Variants in STX3 observed in about 807,000 individuals in gnomAD.
STX3 encodes the protein syntaxin 3.
Under a neutral mutation model 40.2 loss-of-function variants are expected in STX3, and 19 were observed. The ratio of observed to expected loss-of-function variants is 0.47; its 90% CI spans 0.33 to 0.69. The LOEUF (loss-of-function observed/expected upper bound fraction) is 0.69. Among genes scored for constraint, STX3 ranks in the 30% least tolerant of loss-of-function variants. STX3 has a pLI of 0.02. For synonymous variants in STX3, 122 were observed against 132.2 expected (o/e 0.92, Z 0.53); for missense variants, 364 against 366.7 (o/e 0.99, Z 0.06).
Position 59,764,018 on chromosome 11 carries a change from C to CAA in STX3, c.30+8395_30+8396dup, listed in dbSNP as rs773622123. Reference sequence around the variant, plus strand: ...GGGCAACAAGAGCGAAACTCCGTCTCAAAAAAAAAAAAATAAAAGGAATGA... The same window carrying CAA: ...GGGCAACAAGAGCGAAACTCCGTCTCAAAAAAAAAAAAAAATAAAAGGAATGA... On this transcript the variant is annotated intron_variant, in intron 1 of 10. Coordinates refer to ENST00000337979, the MANE Select transcript of STX3 (RefSeq NM_004177.5). 3.2e-4 allele frequency among the ~76,000 whole-genome samples: 36 copies of CAA among 113,828 alleles called. No homozygotes were observed. In the South Asian group the frequency reaches 4.4e-3, roughly 14 times the overall value. The allele number at this position is 113,828 out of a possible 152,430, so 74.7% of individuals were successfully genotyped here. A position where few individuals can be genotyped will look rare whatever the true frequency, so the allele number is the denominator to read the frequency against.
At chr11:59,795,088 A>C (rs1865433488) in intron 8 of STX3, among the ~76,000 whole-genome samples, 1 of 152,156 alleles carries the variant, frequency 6.6e-6, no homozygotes, top group African/African-American at 2.4e-5. Context: ...GATATCTCAG[A>C]GTATATTTAT....
At position 59,802,390 on chromosome 11, in the gene STX3, G is replaced by A; in HGVS notation, c.*1566G>A. ...TGACTTTAACGCTTTCTAGGATAGG[G>A]TAAGCACCCTTAATTCAGGCACTGT... is the stretch of plus-strand genomic sequence containing the variant. On this transcript the variant is annotated 3_prime_UTR_variant, in exon 11 of 11. Coordinates refer to ENST00000337979, the MANE Select transcript of STX3 (RefSeq NM_004177.5). The A allele has an allele frequency of 1.0e-6, 1 of 985,660 alleles. No individual in the cohort carries two copies. The highest frequency in any genetic ancestry group is 4.7e-5 in the South Asian group (1 of 21,280). The allele number at this position is 985,660 out of a possible 1,614,324, so 61.1% of individuals were successfully genotyped here.
At chr11:59,755,929 G>T (rs1296443013) in intron 1 of STX3, among the ~76,000 whole-genome samples, 1 of 152,244 alleles carries the variant, frequency 6.6e-6, no homozygotes, top group African/African-American at 2.4e-5. Context: ...TTGGGCCCGG[G>T]AGGTCAGGGG....
intron 1 of STX3, among the ~76,000 whole-genome samples, chr11:59,757,991 A>G (rs1862819475): frequency 6.6e-6 from 1 of 152,180 alleles, no homozygotes; most frequent in Admixed American, 6.5e-5. Flanking sequence ...GTTAACCTGC[A>G]TGAAACAAAT....
chr11:59,773,341 C>T (rs959470506), intron 2 of STX3, 47 bp downstream of exon 2: 4 of 1,566,210 alleles, frequency 2.6e-6, no homozygotes, highest in Non-Finnish European at 2.6e-6. Flanking sequence ...TAAGGAAACA[C>T]TATTTCCTTA....
In STX3 at chr11:59,801,687, C is replaced by T. The variant is rs1865893785; in HGVS notation, c.*863C>T. 1.6e-5 allele frequency: 16 copies of T among 985,628 alleles called. No homozygotes were observed. Among genetic ancestry groups the T allele is most frequent in the Non-Finnish European group, 1.9e-5 (16 of 829,936 alleles). The allele number at this position is 985,628 out of a possible 1,614,324, so 61.1% of individuals were successfully genotyped here. On this transcript the variant is annotated 3_prime_UTR_variant, in exon 11 of 11. Coordinates refer to ENST00000337979, the MANE Select transcript of STX3 (RefSeq NM_004177.5). Reference sequence around the variant, plus strand: ...AGGGACAAGGTGCTAGAATCCTAAGCTCTGGAAATATTTCATGACACTGGT... The same window carrying T: ...AGGGACAAGGTGCTAGAATCCTAAGTTCTGGAAATATTTCATGACACTGGT...
chr11:59,788,801 A>G (rs1864925870), intron 3 of STX3, 72 bp from the exon 4 acceptor site: 3 of 1,339,622 alleles, frequency 2.2e-6, no homozygotes, highest in Middle Eastern at 1.8e-4. Flanking sequence ...TCCTCTGATG[A>G]TGATTGCTGT....
At chr11:59,760,895 A>G (rs1403569358) in intron 1 of STX3, among the ~76,000 whole-genome samples, 4 of 152,214 alleles carry the variant, frequency 2.6e-5, no homozygotes, top group Non-Finnish European at 5.9e-5. Flanking sequence ...AGCAGTTATG[A>G]TAGTCCTCTG....
chr11:59,772,935 G>T (rs1365117191), intron 1 of STX3, among the ~76,000 whole-genome samples: 1 of 149,626 alleles, frequency 6.7e-6, no homozygotes, highest in Non-Finnish European at 1.5e-5. Flanking sequence ...TAGGTAACTT[G>T]CCAGTTCCTC....
intron 1 of STX3, among the ~76,000 whole-genome samples, chr11:59,759,587 G>T (rs1862923556): frequency 6.6e-6 from 1 of 152,220 alleles, no homozygotes; most frequent in African/African-American, 2.4e-5. Flanking sequence ...GAAGGCTTTG[G>T]ACTCCCTTGG....
intron 2 of STX3, among the ~76,000 whole-genome samples, chr11:59,783,317 G>C (rs1376016888): frequency 6.6e-6 from 1 of 152,158 alleles, no homozygotes; most frequent in East Asian, 1.9e-4. Context: ...GCGTTTACCT[G>C]GTTCAGGAGA....
At chr11:59,775,444 G>T (rs1863912368) in intron 2 of STX3, among the ~76,000 whole-genome samples, 1 of 152,186 alleles carries the variant, frequency 6.6e-6, no homozygotes, top group Non-Finnish European at 1.5e-5. Context: ...TCTTCCCTAA[G>T]ATAAGGAATC....
In STX3 at chr11:59,791,971, CA is replaced by C. The variant is rs1234801974; in HGVS notation, c.358-130del. On this transcript the variant is annotated intron_variant, in intron 5 of 10. Transcript: ENST00000337979. ...CTCCCAGTGGCACAAAGCTAGGAAA[CA>C]AAAAACTTGGTTTGACACCTGGTTT... 6.8e-6 allele frequency: 5 copies of C among 736,598 alleles called. No homozygotes were observed. The East Asian group carries it at 1.1e-4, about 16-fold the overall frequency. The allele number at this position is 736,598 out of a possible 1,614,324, so 45.6% of individuals were successfully genotyped here.
At chr11:59,781,302 T>G in intron 2 of STX3, 9 of 1,567,142 alleles carry the variant, frequency 5.7e-6, no homozygotes, top group Non-Finnish European at 7.8e-6. Flanking sequence ...TCCAAAGTGA[T>G]GATGGAATTT....
chr11:59,766,778 A>G (rs2134889490), intron 1 of STX3, among the ~76,000 whole-genome samples: 1 of 152,312 alleles, frequency 6.6e-6, no homozygotes, highest in Middle Eastern at 3.4e-3. Flanking sequence ...AGGGCTTAGG[A>G]CAGATGACTT....
intron 6 of STX3, among the ~76,000 whole-genome samples, chr11:59,792,597 A>G (rs1187090766): frequency 6.6e-6 from 1 of 152,228 alleles, no homozygotes; most frequent in Non-Finnish European, 1.5e-5. Flanking sequence ...TGGGAGGATT[A>G]GAGAAATAAA....
Position 59,781,753 on chromosome 11 carries a change from A to G in STX3, c.115-5284A>G. 1.9e-6 allele frequency: 3 copies of G among 1,560,726 alleles called. No homozygotes were observed. The South Asian group carries it at 3.5e-5, about 18-fold the overall frequency. Reference sequence around the variant, plus strand: ...GCGGGCGGGCTGGCGTGCAGAGAGCAACATTTGTTTTCTAAAGCAAAGAAG... The same window carrying G: ...GCGGGCGGGCTGGCGTGCAGAGAGCGACATTTGTTTTCTAAAGCAAAGAAG... On this transcript the variant is annotated intron_variant, in intron 2 of 10. Transcript: ENST00000337979.
At chr11:59,764,463 T>G (rs1863188760) in intron 1 of STX3, among the ~76,000 whole-genome samples, 1 of 152,192 alleles carries the variant, frequency 6.6e-6, no homozygotes, top group African/African-American at 2.4e-5. Context: ...AGCTATTAAA[T>G]GGTAGAGCCA....
chr11:59,794,853 A>G (rs1865422288), intron 8 of STX3, among the ~76,000 whole-genome samples: 1 of 152,220 alleles, frequency 6.6e-6, no homozygotes, highest in Admixed American at 6.5e-5. Flanking sequence ...AACTTAGAGA[A>G]AGCAAATGTT....
Sources: allele counts gnomAD v4.1 joint callset (sites outside exome capture counted in the v4.1 genomes callset), GRCh38; gene constraint gnomAD v4.1.1; transcripts MANE v1.5; gene names NCBI Gene and HGNC (gene_info 2026-07-23, HGNC 2026-07-21).